ETNK1: variants seen among roughly 807,000 people sequenced by gnomAD.
The protein encoded by ETNK1 is ethanolamine kinase 1.
In ETNK1, 8 loss-of-function variants were observed where a neutral mutation model predicts 45.1. The observed-to-expected ratio is 0.18, with a 90% CI of 0.10 to 0.32. The LOEUF is 0.32. Ranked by LOEUF, ETNK1 falls within the 10% of genes least tolerant of loss-of-function variation. ETNK1 has a pLI of 1.00. For missense variants in ETNK1, 302 were observed against 430.6 expected, an observed-to-expected ratio of 0.70 and a Z score of 2.64; for synonymous variants, 152 against 151.9, an observed-to-expected ratio of 1.00 and a Z score of -0.01.
chr12:22,665,798 T>C (rs141033517), intron 4 of ETNK1, among the ~76,000 whole-genome samples: 4 of 152,256 alleles, frequency 2.6e-5, no homozygotes, highest in East Asian at 1.9e-4. Context: ...AAATGGTTAC[T>C]ATAGGCTAGA....
At chr12:22,675,846 C>A (rs1374130783) in intron 6 of ETNK1, among the ~76,000 whole-genome samples, 2 of 151,926 alleles carry the variant, frequency 1.3e-5, no homozygotes, top group Non-Finnish European at 2.9e-5. Context: ...ACTTCAGTAC[C>A]TTTTTAATAA....
At chr12:22,667,507 G>GCT (rs1954065502) in intron 4 of ETNK1, among the ~76,000 whole-genome samples, 1 of 152,146 alleles carries the variant, frequency 6.6e-6, no homozygotes, top group South Asian at 2.1e-4. Context: ...AATGATGAGT[G>GCT]CTCTGGTGAA....
intron 6 of ETNK1, among the ~76,000 whole-genome samples, chr12:22,676,014 T>A (rs1001194893): frequency 2.6e-5 from 4 of 152,304 alleles, no homozygotes; most frequent in South Asian, 2.1e-4. Context: ...ATTAAAAAAA[T>A]TTTTTATTAT....
At position 22,659,203 on chromosome 12, in the gene ETNK1, A is replaced by G. The variant is rs778588302; in HGVS notation, c.557+49A>G. 5.9e-5 allele frequency: 91 copies of G among 1,537,336 alleles called. 1 individual carries two copies. In the South Asian group the frequency reaches 8.2e-4, roughly 14 times the overall value. ...ATTATGTTTTACATTGCTTTGCTCT[A>G]TGATAGGGTTTCAAAGGTAATTGTA... On this transcript the variant is annotated intron_variant, in intron 3 of 7. Transcript: ENST00000266517.
At chr12:22,639,967 A>T (rs1953713753) in intron 1 of ETNK1, among the ~76,000 whole-genome samples, 1 of 152,200 alleles carries the variant, frequency 6.6e-6, no homozygotes, top group Non-Finnish European at 1.5e-5. Flanking sequence ...GGATATTATG[A>T]AATACAGTTT....
intron 4 of ETNK1, among the ~76,000 whole-genome samples, chr12:22,662,336 C>T (rs1205331953): frequency 6.6e-6 from 1 of 150,498 alleles, no homozygotes; most frequent in African/African-American, 2.4e-5. Context: ...GATCCGCCCA[C>T]CTCGGCCTCC....
At chr12:22,630,047 T>C (rs1461077557) in intron 1 of ETNK1, among the ~76,000 whole-genome samples, 1 of 152,230 alleles carries the variant, frequency 6.6e-6, no homozygotes, top group Non-Finnish European at 1.5e-5. Context: ...ATAATAGCCA[T>C]GTAACTTGGA....
intron 4 of ETNK1, among the ~76,000 whole-genome samples, chr12:22,662,049 T>C (rs1233125131): frequency 1.6e-4 from 13 of 79,926 alleles, no homozygotes; most frequent in African/African-American, 6.5e-4. Flanking sequence ...GGAAACTAGT[T>C]CCCCGCACCC....
chr12:22,655,888 A>G (rs1592127058), intron 2 of ETNK1, among the ~76,000 whole-genome samples: 2 of 152,204 alleles, frequency 1.3e-5, no homozygotes, highest in African/African-American at 4.8e-5. Context: ...CAAAGTCACA[A>G]TGAAAACCCA....
At chr12:22,682,336 A>G in intron 6 of ETNK1, 1 of 472,210 alleles carries the variant, frequency 2.1e-6, no homozygotes, top group Non-Finnish European at 4.2e-6. Context: ...TTTTCACTGA[A>G]ATGGCAAGTT....
intron 2 of ETNK1, among the ~76,000 whole-genome samples, chr12:22,654,773 TAAC>T (rs149678022): frequency 2.6e-5 from 4 of 152,186 alleles, no homozygotes; most frequent in East Asian, 1.9e-4. Flanking sequence ...ACATTTTAAT[TAAC>T]AATATATCAT....
intron 5 of ETNK1, among the ~76,000 whole-genome samples, chr12:22,671,770 C>T (rs1954109483): frequency 6.9e-6 from 1 of 145,572 alleles, no homozygotes; most frequent in South Asian, 2.1e-4. Context: ...ACCCGGGAGG[C>T]AGAGTTTGCA....
intron 3 of ETNK1, 21 bp from the exon 4 acceptor site, chr12:22,661,042 C>T (rs1352176695): frequency 6.3e-7 from 1 of 1,585,370 alleles, no homozygotes; most frequent in East Asian, 2.3e-5. Flanking sequence ...CAAGATATAA[C>T]TCTTCTTTTA....
chr12:22,651,663 T>G (rs1953877211), intron 2 of ETNK1, among the ~76,000 whole-genome samples: 1 of 151,174 alleles, frequency 6.6e-6, no homozygotes, highest in Non-Finnish European at 1.5e-5. Flanking sequence ...TTTTATAATG[T>G]AAAACTACAA....
At chr12:22,653,600 T>C (rs187405882) in intron 2 of ETNK1, among the ~76,000 whole-genome samples, 238 of 152,334 alleles carry the variant, frequency 1.6e-3, no homozygotes, top group South Asian at 2.7e-3. Flanking sequence ...AGTATTTATT[T>C]CTTTTCGATG....
At chr12:22,670,970 T>C (rs1954101787) in intron 4 of ETNK1, 1 of 266,870 alleles carries the variant, frequency 3.7e-6, no homozygotes. Flanking sequence ...GATGCCCCCA[T>C]GTGGCAAAGG....
chr12:22,661,905 G>T (rs1954003213), intron 4 of ETNK1, among the ~76,000 whole-genome samples: 2 of 152,112 alleles, frequency 1.3e-5, no homozygotes, highest in Admixed American at 1.3e-4. Flanking sequence ...TTATATTACT[G>T]GGTGAAGTGG....
chr12:22,627,420 T>C (rs774770674), intron 1 of ETNK1, among the ~76,000 whole-genome samples: 1 of 152,110 alleles, frequency 6.6e-6, no homozygotes, highest in South Asian at 2.1e-4. Flanking sequence ...CTAAGATGAT[T>C]ATTAGTTAGA....
chr12:22,664,266 AAT>A (rs1954034080), intron 4 of ETNK1, among the ~76,000 whole-genome samples: 1 of 152,024 alleles, frequency 6.6e-6, no homozygotes, highest in Admixed American at 6.6e-5. Context: ...ATATGCATAT[AAT>A]ATAACTAGTA....
Sources: allele counts gnomAD v4.1 joint callset (sites outside exome capture counted in the v4.1 genomes callset), GRCh38; gene constraint gnomAD v4.1.1; transcripts MANE v1.5; gene names NCBI Gene and HGNC (gene_info 2026-07-23, HGNC 2026-07-21).